The following NLN variants were observed in gnomAD, a reference collection of about 807,000 sequenced individuals.
The protein encoded by NLN is neurolysin, also known as neurolysin, mitochondrial.
Under a neutral mutation model 79.9 loss-of-function variants are expected in NLN, and 64 were observed. The observed-to-expected ratio is 0.80, with a 90% CI of 0.65 to 0.99. NLN has a LOEUF of 0.99. Among genes scored for constraint, NLN ranks in the 50% least tolerant of loss-of-function variants. NLN has a pLI of 0.00. For synonymous variants in NLN, 267 were observed against 296.6 expected (o/e 0.90, Z 1.02); for missense variants, 835 against 858.7 (o/e 0.97, Z 0.34).
rs80030826 is a variant in NLN, at chr5:65,824,155, C to A, written c.*1240C>A. ...AGGATAATAAAATTTAAAAAAAAAA[C>A]AACTTTGAATTCCCCTGCCTAGGTC... On this transcript the variant is annotated 3_prime_UTR_variant, in exon 13 of 13. Coordinates refer to ENST00000380985, the MANE Select transcript of NLN (RefSeq NM_020726.5). 2.6e-5 allele frequency: 4 copies of A among 151,482 alleles called. No homozygotes were observed. Among genetic ancestry groups the A allele is most frequent in the Admixed American group, 2.0e-4 (3 of 15,218 alleles). 9.4% of individuals were successfully genotyped at this position (151,482 alleles called of 1,614,324 possible).
Position 65,785,800 on chromosome 5 carries a change from T to C in NLN, c.848T>C (p.Leu283Pro). 6.2e-7 allele frequency: 1 copy of C among 1,613,762 alleles called. No homozygotes were observed. Among genetic ancestry groups the C allele is most frequent in the Non-Finnish European group, 8.5e-7 (1 of 1,179,716 alleles). The change falls in exon 7 of 13, where the codon CTA becomes CCA. Residue 283 changes from leucine (L) to proline (P), a missense_variant. By Grantham distance (98) the Leu-to-Pro change is moderately conservative. Coordinates refer to ENST00000380985, the MANE Select transcript of NLN (RefSeq NM_020726.5). ...KEENTIILQQ[L>P]LPLRTKVAKL... ...GAAAACACCATAATTTTGCAGCAGC[T>C]ACTCCCACTGCGAACCAAGGTGGCC...
chr5:65,816,916 C>G (rs1392791661), intron 12 of NLN, among the ~76,000 whole-genome samples: 4 of 152,092 alleles, frequency 2.6e-5, no homozygotes, highest in African/African-American at 9.7e-5. Context: ...AGTCCCCAGG[C>G]ACTAGAGAGG....
At position 65,827,650 on chromosome 5, in the gene NLN, AG is replaced by A. The variant is rs1204449968; in HGVS notation, c.*4736del. On this transcript the variant is annotated 3_prime_UTR_variant, in exon 13 of 13. Coordinates refer to ENST00000380985, the MANE Select transcript of NLN (RefSeq NM_020726.5). ...GTCATTTGGCTAAAAATGAAAAAAA[AG>A]TCCCATAAAAAGGTATCAAATGTAC... is the stretch of plus-strand genomic sequence containing the variant. 1 of 152,238 alleles carries A rather than the reference AG, an allele frequency of 6.6e-6. No homozygotes were observed. The highest frequency in any genetic ancestry group is 1.9e-4 in the East Asian group (1 of 5,202). 9.4% of individuals were successfully genotyped at this position (152,238 alleles called of 1,614,324 possible).
At chr5:65,794,684 T>G (rs1051671362) in intron 9 of NLN, among the ~76,000 whole-genome samples, 2 of 152,152 alleles carry the variant, frequency 1.3e-5, no homozygotes, top group African/African-American at 2.4e-5. Context: ...TTTTTTTGAT[T>G]TATGTGAATA....
At chr5:65,800,827 A>G (rs1760271037) in intron 9 of NLN, among the ~76,000 whole-genome samples, 1 of 151,804 alleles carries the variant, frequency 6.6e-6, no homozygotes, top group Non-Finnish European at 1.5e-5. Flanking sequence ...AGTAGCTGAG[A>G]CTACAGGAAT....
At chr5:65,820,308 C>T (rs955055424) in intron 12 of NLN, among the ~76,000 whole-genome samples, 3 of 152,082 alleles carry the variant, frequency 2.0e-5, no homozygotes, top group East Asian at 1.9e-4. Context: ...TTTCTGCAGA[C>T]GAAATATTGA....
chr5:65,777,482 CA>C lies in NLN; in HGVS notation c.508del (p.Ile170LeufsTer22), dbSNP rs747155591. The C allele has an allele frequency of 2.5e-6, 4 of 1,612,932 alleles. No individual in the cohort carries two copies. Among genetic ancestry groups the C allele is most frequent in the Non-Finnish European group, 3.4e-6 (4 of 1,179,316 alleles). Reference sequence around the variant, plus strand: ...GAGGCCAGACGATACTTGGAAAAGTCAATTAAAATGGGGAAAAGAAATGGGC... The same window carrying C: ...GAGGCCAGACGATACTTGGAAAAGTCATTAAAATGGGGAAAAGAAATGGGC... Reference protein sequence around the residue: ...KPEARRYLEKSIKMGKRNGLH... With the variant: ...KPEARRYLEKXIKMGKRNGLH... On this transcript the variant is annotated frameshift_variant, in exon 4 of 13. Coordinates refer to ENST00000380985, the MANE Select transcript of NLN (RefSeq NM_020726.5). LOFTEE classifies it high-confidence loss of function.
At chr5:65,791,198 G>A (rs1760050100) in intron 8 of NLN, among the ~76,000 whole-genome samples, 1 of 152,090 alleles carries the variant, frequency 6.6e-6, no homozygotes, top group South Asian at 2.1e-4. Context: ...GAGGCAGGTG[G>A]ATCACTTGAG....
chr5:65,777,809 T>C (rs188131543), intron 4 of NLN, among the ~76,000 whole-genome samples: 36 of 152,264 alleles, frequency 2.4e-4, no homozygotes, highest in Admixed American at 9.8e-4. Flanking sequence ...GATACCCAAT[T>C]TGTGCAACAA....
intron 3 of NLN, among the ~76,000 whole-genome samples, chr5:65,766,032 A>T (rs908705477): frequency 6.6e-6 from 1 of 152,216 alleles, no homozygotes; most frequent in Non-Finnish European, 1.5e-5. Flanking sequence ...GTGGCCTGAA[A>T]TAGCAACCGT....
chr5:65,777,595 G>A, intron 4 of NLN, 61 bp downstream of exon 4: 2 of 1,103,124 alleles, frequency 1.8e-6, no homozygotes, highest in South Asian at 1.4e-5. Flanking sequence ...ACAAAATACT[G>A]GTTGAACATC....
At chr5:65,761,209 C>T (rs536076383) in intron 2 of NLN, among the ~76,000 whole-genome samples, 1 of 152,086 alleles carries the variant, frequency 6.6e-6, no homozygotes, top group South Asian at 2.1e-4. Flanking sequence ...TAGGCTCCTG[C>T]ATTTGATGTT....
At chr5:65,774,750 A>G (rs1378946759) in intron 3 of NLN, among the ~76,000 whole-genome samples, 1 of 146,376 alleles carries the variant, frequency 6.8e-6, no homozygotes, top group Non-Finnish European at 1.5e-5. Context: ...TTTTTGAGAC[A>G]GTTTTACTCC....
intron 1 of NLN, among the ~76,000 whole-genome samples, chr5:65,747,199 A>C (rs1272473733): frequency 6.6e-6 from 1 of 151,726 alleles, no homozygotes; most frequent in Non-Finnish European, 1.5e-5. Context: ...AAGTGGAGGG[A>C]ATTTCTGTGT....
rs78742776 is a variant in NLN at position 65,817,868 on chromosome 5, C to G, written c.1981-4913C>G. ...AGGATCCCAGTGCTTGAAACAGAAT[C>G]TTAGGCCCAATTCTTCCTGTAATGT... On this transcript the variant is annotated intron_variant, in intron 12 of 12. Coordinates refer to ENST00000380985, the MANE Select transcript of NLN (RefSeq NM_020726.5). Among the ~76,000 whole-genome samples the G allele has an allele frequency of 1.1e-3, 173 of 152,304 alleles. 2 individuals are homozygous for G. The East Asian group carries it at 0.029, about 26-fold the overall frequency.
chr5:65,739,929 A>C (rs1758834702), intron 1 of NLN, among the ~76,000 whole-genome samples: 2 of 151,970 alleles, frequency 1.3e-5, no homozygotes, highest in Non-Finnish European at 2.9e-5. Context: ...TTTTGCAAAT[A>C]TTTCCTCCCA....
chr5:65,776,640 A>T (rs943980893), intron 3 of NLN, among the ~76,000 whole-genome samples: 4 of 152,236 alleles, frequency 2.6e-5, no homozygotes, highest in Non-Finnish European at 5.9e-5. Context: ...CCAGCCATCC[A>T]GATGTGCCAT....
chr5:65,804,388 T>A (rs908179180), intron 9 of NLN, among the ~76,000 whole-genome samples: 4 of 152,248 alleles, frequency 2.6e-5, no homozygotes, highest in Non-Finnish European at 4.4e-5. Flanking sequence ...GTCCTTCACT[T>A]ATTGTACTTC....
chr5:65,764,992 T>C lies in NLN; in HGVS notation c.450+1884T>C, dbSNP rs373818329. Among the ~76,000 whole-genome samples the C allele has an allele frequency of 2.0e-5, 3 of 152,370 alleles. No individual in the cohort carries two copies. In the South Asian group the frequency reaches 6.2e-4, roughly 32 times the overall value. On this transcript the variant is annotated intron_variant, in intron 3 of 12. Coordinates refer to ENST00000380985, the MANE Select transcript of NLN (RefSeq NM_020726.5). Reference sequence around the variant, plus strand: ...TTAATAAATGGTAAAACTTATCCCATTCGTACCTAAAGGGCAAAATCAGAT... The same window carrying C: ...TTAATAAATGGTAAAACTTATCCCACTCGTACCTAAAGGGCAAAATCAGAT...
Sources: allele counts gnomAD v4.1 joint callset (sites outside exome capture counted in the v4.1 genomes callset), GRCh38; gene constraint gnomAD v4.1.1; transcripts MANE v1.5; gene names NCBI Gene and HGNC (gene_info 2026-07-23, HGNC 2026-07-21).